Variants in ZNF787 observed in about 807,000 individuals in gnomAD.
The protein encoded by ZNF787 is TTF-I-interacting peptide 20.
Under a neutral mutation model 16.9 loss-of-function variants are expected in ZNF787, and 7 were observed. That is an observed-to-expected ratio of 0.42 (90% CI 0.24 to 0.78). ZNF787 has a LOEUF of 0.78. Ranked by LOEUF, ZNF787 falls within the 30% of genes least tolerant of loss-of-function variation. The probability of loss-of-function intolerance (pLI) is 0.30; values close to 1 mark genes in which losing one functional copy is unlikely to be tolerated. For missense variants in ZNF787, 551 were observed against 589.3 expected, an observed-to-expected ratio of 0.94 and a Z score of 0.67; for synonymous variants, 345 against 270.9, an observed-to-expected ratio of 1.27 and a Z score of -2.69.
chr19:56,104,043 C>T (rs555044961), intron 1 of ZNF787, among the ~76,000 whole-genome samples: 1 of 138 alleles, frequency 7.2e-3, no homozygotes, highest in Non-Finnish European at 0.033. Flanking sequence ...ACCCGTGCCA[C>T]GCACCGGGAG....
At chr19:56,115,810 T>C (rs1262131780) in intron 1 of ZNF787, among the ~76,000 whole-genome samples, 1 of 152,126 alleles carries the variant, frequency 6.6e-6, no homozygotes, top group Non-Finnish European at 1.5e-5. Context: ...TGCAGTGTGT[T>C]GTGGAGACAG....
At position 56,088,401 on chromosome 19, in the gene ZNF787, T is replaced by G. The variant is rs1985428709; in HGVS notation, c.771A>C (p.Ala257=). Residue 257 remains alanine (A), a synonymous_variant, in exon 3 of 3, where the codon GCA becomes GCC. Coordinates refer to ENST00000610935, the MANE Select transcript of ZNF787 (RefSeq NM_001002836.4). The surrounding 1 kb of genome is among the most constrained non-coding windows in gnomAD (Gnocchi z 8.6). ...CCTTTGCCCCCGCGCCCGCCATGGC[T>G]GCCGCGGCCGCGGCCCCCTCGCCCG... The part of the protein sequence containing the change: ...GAPGEGAAAA[A]AMAGAGAKAA... 9.0e-7 allele frequency: 1 copy of G among 1,107,098 alleles called. No individual in the cohort carries two copies. The highest frequency in any genetic ancestry group is 1.1e-6 in the Non-Finnish European group (1 of 909,328). The allele number at this position is 1,107,098 out of a possible 1,614,324, so 68.6% of individuals were successfully genotyped here. A position where few individuals can be genotyped will look rare whatever the true frequency, so the allele number is the denominator to read the frequency against.
chr19:56,087,819 G>C lies in ZNF787; in HGVS notation c.*204C>G, dbSNP rs889773065. 2.6e-5 allele frequency: 21 copies of C among 808,986 alleles called. No individual in the cohort carries two copies. The highest frequency in any genetic ancestry group is 4.4e-4 in the Middle Eastern group (1 of 2,298). The allele number at this position is 808,986 out of a possible 1,614,324, so 50.1% of individuals were successfully genotyped here. Reference sequence around the variant, plus strand: ...GGGCGGGCCAGGCTGAGGGGGCAGAGTCTCGAGGCGGAGAAGTGAACGGGC... The same window carrying C: ...GGGCGGGCCAGGCTGAGGGGGCAGACTCTCGAGGCGGAGAAGTGAACGGGC... On this transcript the variant is annotated 3_prime_UTR_variant, in exon 3 of 3. Transcript: ENST00000610935.
chr19:56,088,080 GTCGTCC>G lies in ZNF787; in HGVS notation c.1086_1091del (p.Glu362_Asp363del), dbSNP rs773168301. 6.7e-7 allele frequency: 1 copy of G among 1,485,756 alleles called. No individual in the cohort carries two copies. 92.0% of individuals were successfully genotyped at this position (1,485,756 alleles called of 1,614,324 possible). Reference sequence around the variant, plus strand: ...ACCGCCCGCCCGCGGCCTCGTCGTCGTCGTCCTCCTCCTCCCCGCCCGCGCGGTAGT... The same window carrying G: ...ACCGCCCGCCCGCGGCCTCGTCGTCGTCCTCCTCCCCGCCCGCGCGGTAGT... On this transcript the variant is annotated inframe_deletion, in exon 3 of 3. Coordinates refer to ENST00000610935, the MANE Select transcript of ZNF787 (RefSeq NM_001002836.4). The surrounding 1 kb of genome is among the most constrained non-coding windows in gnomAD (Gnocchi z 8.6).
At chr19:56,118,351 C>T (rs1242998203) in intron 1 of ZNF787, among the ~76,000 whole-genome samples, 1 of 152,148 alleles carries the variant, frequency 6.6e-6, no homozygotes, top group African/African-American at 2.4e-5. Flanking sequence ...GACAGTACAC[C>T]CCACTAGGCA....
chr19:56,088,733 C>G lies in ZNF787; in HGVS notation c.439G>C (p.Glu147Gln). 1 of 1,610,154 alleles carries G rather than the reference C, an allele frequency of 6.2e-7. No individual in the cohort carries two copies. The highest frequency in any genetic ancestry group is 8.5e-7 in the Non-Finnish European group (1 of 1,178,830). The change falls in exon 3 of 3, where the codon GAG (glutamate) becomes CAG (glutamine). Residue 147 changes from glutamate to glutamine, a missense_variant. Glu to Gln is a conservative substitution (Grantham distance 29, BLOSUM62 2). Around this residue, in one of 4 missense-constraint regions of ZNF787, gnomAD observed 40 missense variants for 60.7 expected, o/e 0.66. Transcript: ENST00000610935. This position sits in a 1 kb window ranked among gnomAD's most constrained non-coding sequence, Gnocchi z 8.6. The part of the protein sequence containing the change: ...LMQHQRIHTG[E>Q]KPYTCPDCGR... ...CAGTCGGGGCAGGTGTAGGGCTTCTCGCCCGTGTGGATGCGCTGGTGCTGC... is the reference window on the plus strand; with the variant it reads ...CAGTCGGGGCAGGTGTAGGGCTTCTGGCCCGTGTGGATGCGCTGGTGCTGC...
intron 1 of ZNF787, among the ~76,000 whole-genome samples, chr19:56,119,346 T>C (rs890068129): frequency 1.3e-5 from 2 of 152,066 alleles, no homozygotes; most frequent in Non-Finnish European, 2.9e-5. Flanking sequence ...TGAAGGGAAA[T>C]TGAACCTGGG....
intron 1 of ZNF787, among the ~76,000 whole-genome samples, chr19:56,110,397 G>A (rs2029946359): frequency 6.6e-6 from 1 of 151,726 alleles, no homozygotes; most frequent in African/African-American, 2.4e-5. Flanking sequence ...AAAACGAAAT[G>A]TTGTAATACA....
intron 2 of ZNF787, among the ~76,000 whole-genome samples, chr19:56,097,751 C>G (rs967809666): frequency 6.6e-6 from 1 of 152,198 alleles, no homozygotes; most frequent in Non-Finnish European, 1.5e-5. Flanking sequence ...AGCCAGTTTA[C>G]TAAAATGAAG....
chr19:56,087,818 A>C lies in ZNF787; in HGVS notation c.*205T>G, dbSNP rs947780335. ...AGGGCGGGCCAGGCTGAGGGGGCAG[A>C]GTCTCGAGGCGGAGAAGTGAACGGG... On this transcript the variant is annotated 3_prime_UTR_variant, in exon 3 of 3. Transcript: ENST00000610935. 6.4e-6 allele frequency: 5 copies of C among 785,062 alleles called. No homozygotes were observed. Among genetic ancestry groups the C allele is most frequent in the East Asian group, 4.0e-5 (1 of 24,968 alleles). The allele number at this position is 785,062 out of a possible 1,614,324, so 48.6% of individuals were successfully genotyped here.
chr19:56,107,440 A>G (rs1986367634), intron 1 of ZNF787, among the ~76,000 whole-genome samples: 1 of 152,160 alleles, frequency 6.6e-6, no homozygotes, highest in African/African-American at 2.4e-5. Context: ...ACCAGAAGAC[A>G]TAAGGGTCAC....
rs75532967 is a variant in ZNF787 at position 56,095,186 on chromosome 19, C to A, written c.80-6094G>T. Among the ~76,000 whole-genome samples the A allele has an allele frequency of 8.9e-4, 136 of 152,300 alleles. 4 individuals are homozygous for A. The East Asian group carries it at 0.025, about 28-fold the overall frequency. ...GTGCAGTTCCCGCTCCTGTGAAAAT[C>A]TCATGCCGCCGCTGACCTGGCAGAA... On this transcript the variant is annotated intron_variant, in intron 2 of 2. Coordinates refer to ENST00000610935, the MANE Select transcript of ZNF787 (RefSeq NM_001002836.4).
At chr19:56,096,269 A>AG (rs1985870181) in intron 2 of ZNF787, among the ~76,000 whole-genome samples, 4 of 149,216 alleles carry the variant, frequency 2.7e-5, no homozygotes, top group Non-Finnish European at 4.5e-5. Flanking sequence ...AAATAAAAAA[A>AG]CTAGCTGGGT....
intron 1 of ZNF787, among the ~76,000 whole-genome samples, chr19:56,105,143 AAAAT>A (rs1986252498): frequency 6.6e-6 from 1 of 151,270 alleles, no homozygotes; most frequent in African/African-American, 2.4e-5. Flanking sequence ...AAAATAAAAT[AAAAT>A]AAATAAATAA....
rs1474045475 is a variant in ZNF787, at chr19:56,105,980, A to C, written c.-10-2753T>G. 2.5e-4 allele frequency among the ~76,000 whole-genome samples: 32 copies of C among 128,186 alleles called. 1 individual carries two copies. The highest frequency in any genetic ancestry group is 9.4e-4 in the African/African-American group (31 of 32,830). The allele number at this position is 128,186 out of a possible 152,430, so 84.1% of individuals were successfully genotyped here. On this transcript the variant is annotated intron_variant, in intron 1 of 2. Transcript: ENST00000610935. Reference sequence around the variant, plus strand: ...TCCGCGCCCACGGCAGTCACCGCGCATTCCCCCCTCCGCGCCCACGGCAGT... The same window carrying C: ...TCCGCGCCCACGGCAGTCACCGCGCCTTCCCCCCTCCGCGCCCACGGCAGT...
At chr19:56,107,058 T>C (rs1986352182) in intron 1 of ZNF787, among the ~76,000 whole-genome samples, 1 of 152,116 alleles carries the variant, frequency 6.6e-6, no homozygotes, top group South Asian at 2.1e-4. Context: ...TGCACAGATA[T>C]GCCATGTGGG....
intron 1 of ZNF787, among the ~76,000 whole-genome samples, chr19:56,113,001 C>A (rs1271704327): frequency 6.6e-6 from 1 of 151,976 alleles, no homozygotes; most frequent in East Asian, 1.9e-4. Context: ...ATCCTGGCTC[C>A]CACCCTGCCT....
At chr19:56,120,855 C>T (rs1467628225) in intron 1 of ZNF787, among the ~76,000 whole-genome samples, 1 of 145,920 alleles carries the variant, frequency 6.9e-6, no homozygotes, top group African/African-American at 2.5e-5. Context: ...GGCCCCCGCT[C>T]CTGCCCCCGC....
intron 2 of ZNF787, among the ~76,000 whole-genome samples, chr19:56,093,832 T>C (rs1026709798): frequency 2.0e-5 from 3 of 152,224 alleles, no homozygotes; most frequent in Non-Finnish European, 2.9e-5. Flanking sequence ...CGTCCAGCAA[T>C]TCTAACGCAA....
Sources: allele counts gnomAD v4.1 joint callset (sites outside exome capture counted in the v4.1 genomes callset), GRCh38; gene constraint gnomAD v4.1.1; regional missense constraint gnomAD v4.1.1; non-coding constraint Gnocchi (gnomAD v3.1); transcripts MANE v1.5; gene names NCBI Gene and HGNC (gene_info 2026-07-23, HGNC 2026-07-21).